PAPPA: variants seen among roughly 807,000 people sequenced by gnomAD.
PAPPA encodes the protein pappalysin-1.
In PAPPA, 60 loss-of-function variants were observed where a neutral mutation model predicts 164.0. That is an observed-to-expected ratio of 0.37 (90% CI 0.30 to 0.45). The LOEUF (loss-of-function observed/expected upper bound fraction) is 0.45. PAPPA is among the 20% of genes least tolerant of loss of function. The pLI is 1.00. For synonymous variants in PAPPA, 875 were observed against 814.1 expected, an observed-to-expected ratio of 1.07 and a Z score of -1.27; for missense variants, 1,782 against 2,087.3, an observed-to-expected ratio of 0.85 and a Z score of 2.85.
intron 16 of PAPPA, among the ~76,000 whole-genome samples, 194 bp downstream of exon 16, chr9:116,353,110 C>T (rs1330637772): frequency 1.3e-5 from 2 of 152,274 alleles, no homozygotes; most frequent in Middle Eastern, 6.8e-3. Context: ...CTTTAAGTTT[C>T]AGCTTGGCTG....
intron 2 of PAPPA, among the ~76,000 whole-genome samples, chr9:116,191,844 A>T (rs1479386126): frequency 6.6e-6 from 1 of 152,134 alleles, no homozygotes; most frequent in Non-Finnish European, 1.5e-5. Context: ...TTCAAGGAGA[A>T]GCTGTTTACA....
rs897476680 is a variant in PAPPA at position 116,400,280 on chromosome 9, C to T, written c.*3664C>T. On this transcript the variant is annotated 3_prime_UTR_variant, in exon 22 of 22. Coordinates refer to ENST00000328252, the MANE Select transcript of PAPPA (RefSeq NM_002581.5). ...TTATTCTACAGCCTCAGTAGGTAGA[C>T]ACAAACATAAAGATTTCCCTAGAAG... 1 of 152,140 alleles carries T rather than the reference C, an allele frequency of 6.6e-6. No individual in the cohort carries two copies. Among genetic ancestry groups the T allele is most frequent in the Non-Finnish European group, 1.5e-5 (1 of 68,022 alleles). The allele number at this position is 152,140 out of a possible 1,614,324, so 9.4% of individuals were successfully genotyped here.
intron 9 of PAPPA, among the ~76,000 whole-genome samples, chr9:116,297,856 C>T (rs1008199232): frequency 2.0e-5 from 3 of 152,156 alleles, no homozygotes; most frequent in Admixed American, 2.0e-4. Context: ...GTATTATTTT[C>T]CCATCTCAGT....
Position 116,334,862 on chromosome 9 carries a change from C to T in PAPPA, c.3399C>T (p.Gly1133=). Residue 1133 remains glycine (G), a splice_region_variant and synonymous_variant, in exon 13 of 22, where the codon GGC becomes GGT. Transcript: ENST00000328252. ...LDTKDQSHDL[G]LHVLSCRNNP... ...CGGCCCCTCTGTCTCCCCTGACAGG[C>T]CTCCATGTCCTGAGCTGCAGGAACA... 1.2e-6 allele frequency: 2 copies of T among 1,612,962 alleles called. No homozygotes were observed. Among genetic ancestry groups the T allele is most frequent in the Non-Finnish European group, 1.7e-6 (2 of 1,178,920 alleles).
chr9:116,156,324 ATATATATGTG>A (rs1343996021), intron 1 of PAPPA, among the ~76,000 whole-genome samples: 1 of 97,296 alleles, frequency 1.0e-5, no homozygotes, highest in African/African-American at 3.0e-5. Flanking sequence ...ATGTGTGTAT[ATATATATGTG>A]TATATATATA....
intron 17 of PAPPA, among the ~76,000 whole-genome samples, chr9:116,354,271 A>G (rs1846322857): frequency 6.6e-6 from 1 of 152,230 alleles, no homozygotes. Flanking sequence ...CTCAATCCAC[A>G]TGTAACTGAG....
rs1286663533 is a variant in PAPPA, at chr9:116,240,191, A to G, written c.2732+4554A>G. 2.6e-5 allele frequency among the ~76,000 whole-genome samples: 4 copies of G among 152,206 alleles called. No individual in the cohort carries two copies. The East Asian group carries it at 7.7e-4, about 29-fold the overall frequency. ...ATTCATCCATCACTTCATGCAACAA[A>G]TATTCACTGGGTATCTATTAGGTGC... On this transcript the variant is annotated intron_variant, in intron 7 of 21. Coordinates refer to ENST00000328252, the MANE Select transcript of PAPPA (RefSeq NM_002581.5).
intron 2 of PAPPA, among the ~76,000 whole-genome samples, chr9:116,193,406 C>G (rs977626257): frequency 5.3e-5 from 8 of 152,254 alleles, no homozygotes; most frequent in African/African-American, 1.9e-4. Context: ...TCATACTTTC[C>G]TCTTCCTTTT....
chr9:116,292,759 G>A (rs1564213577), intron 9 of PAPPA, among the ~76,000 whole-genome samples: 5 of 152,082 alleles, frequency 3.3e-5, no homozygotes, highest in Admixed American at 1.3e-4. Flanking sequence ...GGCACATAGA[G>A]GTTTTAAAAT....
At position 116,265,937 on chromosome 9, in the gene PAPPA, T is replaced by C; in HGVS notation, c.2813T>C (p.Val938Ala). 3 of 1,613,060 alleles carry C rather than the reference T, an allele frequency of 1.9e-6. No individual in the cohort carries two copies. The highest frequency in any genetic ancestry group is 1.7e-6 in the Non-Finnish European group (2 of 1,179,066). The change falls in exon 8 of 22, where the codon GTC becomes GCC. Residue 938 changes from valine (V) to alanine (A), a missense_variant. Transcript: ENST00000328252. ...GAAGAGAGTGAGCCATCACCTGCTG[T>C]CACATACATCCATGGAAGTGGGTAC... ...GTEESEPSPA[V>A]TYIHGSGYCG...
chr9:116,370,276 G>A (rs976528789), intron 19 of PAPPA, among the ~76,000 whole-genome samples: 2 of 152,008 alleles, frequency 1.3e-5, no homozygotes, highest in African/African-American at 2.4e-5. Flanking sequence ...TACCACACAC[G>A]TACGACCACA....
chr9:116,346,996 C>T (rs1564235435), intron 14 of PAPPA, 30 bp from the exon 15 acceptor site: 2 of 1,577,572 alleles, frequency 1.3e-6, no homozygotes, highest in East Asian at 2.3e-5. Context: ...CAGTCTGCCA[C>T]TCCTCACTAT....
intron 2 of PAPPA, among the ~76,000 whole-genome samples, chr9:116,206,251 G>T (rs1844234178): frequency 6.6e-6 from 1 of 152,130 alleles, no homozygotes; most frequent in Admixed American, 6.5e-5. Context: ...TCCAACTCAT[G>T]TTTTTTGTGA....
rs1846042104 is a variant in PAPPA, at chr9:116,334,968, C to T, written c.3505C>T (p.Pro1169Ser). 6 of 1,613,938 alleles carry T rather than the reference C, an allele frequency of 3.7e-6. No individual in the cohort carries two copies. In the East Asian group the frequency reaches 8.9e-5, roughly 24 times the overall value. Reference protein sequence around the residue: ...SQAVRVSFSSPLVAISGVALR... With the variant: ...SQAVRVSFSSSLVAISGVALR... ...GGCGGTACGTGTGAGCTTCAGTTCG[C>T]CCCTGGTCGCCATCTCGGGGGTGGC... The change falls in exon 13 of 22, where the codon CCC becomes TCC. Residue 1169 changes from proline to serine, a missense_variant. Coordinates refer to ENST00000328252, the MANE Select transcript of PAPPA (RefSeq NM_002581.5).
rs1844527653 is a variant in PAPPA, at chr9:116,227,449, T to C, written c.2130T>C (p.Cys710=). ...CTCCTAGAGAATTGGGATCAGCATGTCATCTTTGCCTGGAAGGGAGAATCC... is the reference window on the plus strand; with the variant it reads ...CTCCTAGAGAATTGGGATCAGCATGCCATCTTTGCCTGGAAGGGAGAATCC... ...HFFERELGSA[C]HLCLEGRILV... is the part of the protein sequence containing the mutation. The change falls in exon 6 of 22, where the codon TGT becomes TGC. Residue 710 remains cysteine (C), a synonymous_variant. Coordinates refer to ENST00000328252, the MANE Select transcript of PAPPA (RefSeq NM_002581.5). 1 of 1,614,078 alleles carries C rather than the reference T, an allele frequency of 6.2e-7. No individual in the cohort carries two copies. The highest frequency in any genetic ancestry group is 1.3e-5 in the African/African-American group (1 of 75,034).
intron 2 of PAPPA, among the ~76,000 whole-genome samples, chr9:116,196,347 AC>A (rs1312397884): frequency 2.0e-5 from 3 of 151,606 alleles, no homozygotes; most frequent in African/African-American, 7.3e-5. Context: ...GTTTTTTCCC[AC>A]CCTGGGTTTG....
At chr9:116,302,998 C>T in intron 10 of PAPPA, 48 bp downstream of exon 10, 1 of 1,521,488 alleles carries the variant, frequency 6.6e-7, no homozygotes, top group Non-Finnish European at 9.1e-7. Flanking sequence ...TTCAAAGTCT[C>T]CGCTATGCCC....
intron 4 of PAPPA, among the ~76,000 whole-genome samples, chr9:116,212,148 C>G (rs1376182551): frequency 6.6e-6 from 1 of 152,184 alleles, no homozygotes; most frequent in East Asian, 1.9e-4. Flanking sequence ...CATGATCCTT[C>G]CTAAATGTGC....
At chr9:116,261,539 G>T (rs1424156102) in intron 7 of PAPPA, among the ~76,000 whole-genome samples, 1 of 152,142 alleles carries the variant, frequency 6.6e-6, no homozygotes, top group Non-Finnish European at 1.5e-5. Flanking sequence ...CTTGTCTACA[G>T]ATTTCAGATA....
Sources: allele counts gnomAD v4.1 joint callset (sites outside exome capture counted in the v4.1 genomes callset), GRCh38; gene constraint gnomAD v4.1.1; transcripts MANE v1.5; gene names NCBI Gene and HGNC (gene_info 2026-07-23, HGNC 2026-07-21).